FRMD4A: variants seen among roughly 807,000 people sequenced by gnomAD.
FRMD4A encodes FERM domain-containing protein 4A.
A neutral mutation model predicts 129.1 loss-of-function variants in FRMD4A; 29 were observed. The observed-to-expected ratio is 0.22, with a 90% CI of 0.17 to 0.31. The LOEUF is 0.31. Ranked by LOEUF, FRMD4A falls within the 10% of genes least tolerant of loss-of-function variation. The pLI is 1.00. For missense variants in FRMD4A, 1,272 were observed against 1,375.8 expected (o/e 0.92, Z 1.19); for synonymous variants, 634 against 571.6 (o/e 1.11, Z -1.56).
At chr10:14,247,225 C>A (rs995484736) in intron 2 of FRMD4A, among the ~76,000 whole-genome samples, 3 of 152,174 alleles carry the variant, frequency 2.0e-5, no homozygotes, top group African/African-American at 7.2e-5. Flanking sequence ...AGAGTCACCC[C>A]GCTTCCATCC....
chr10:14,244,184 A>G (rs1844152349), intron 2 of FRMD4A, among the ~76,000 whole-genome samples: 1 of 152,202 alleles, frequency 6.6e-6, no homozygotes, highest in East Asian at 1.9e-4. Context: ...AAAAGGCAGG[A>G]GGAGTTGTAA....
intron 4 of FRMD4A, among the ~76,000 whole-genome samples, chr10:13,801,356 A>C (rs1024311689): frequency 6.6e-6 from 1 of 152,218 alleles, no homozygotes; most frequent in African/African-American, 2.4e-5. Context: ...TTGGCCTCTG[A>C]GGACAAATGA....
At chr10:13,792,289 C>T (rs138805638) in intron 5 of FRMD4A, among the ~76,000 whole-genome samples, 32 of 152,210 alleles carry the variant, frequency 2.1e-4, no homozygotes, top group African/African-American at 7.5e-4. Context: ...CTGGGGTCGC[C>T]GCATTTGACT....
In FRMD4A at chr10:14,249,758, A is replaced by T. The variant is rs988105252; in HGVS notation, c.45+80300T>A. Among the ~76,000 whole-genome samples, 8 of 152,372 alleles carry T rather than the reference A, an allele frequency of 5.3e-5. No homozygotes were observed. In the South Asian group the frequency reaches 1.4e-3, roughly 28 times the overall value. On this transcript the variant is annotated intron_variant, in intron 2 of 24. Coordinates refer to ENST00000357447, the MANE Select transcript of FRMD4A (RefSeq NM_018027.5). ...AACGTTCCCGATAAGGGATGCATCAACTAAGGTGTAGGTACAGGATGGAAG... is the reference window on the plus strand; with the variant it reads ...AACGTTCCCGATAAGGGATGCATCATCTAAGGTGTAGGTACAGGATGGAAG...
intron 2 of FRMD4A, among the ~76,000 whole-genome samples, chr10:14,031,567 T>C (rs1360565544): frequency 6.6e-6 from 1 of 152,168 alleles, no homozygotes; most frequent in Non-Finnish European, 1.5e-5. Flanking sequence ...CTTACAGATG[T>C]TTTTTAATGG....
chr10:13,707,539 C>A, intron 12 of FRMD4A: 2 of 1,000,846 alleles, frequency 2.0e-6, no homozygotes, highest in South Asian at 4.4e-5. Context: ...CAGGAGGGAG[C>A]GGTAGCCATC....
At chr10:13,671,549 G>A (rs1221051395) in intron 16 of FRMD4A, among the ~76,000 whole-genome samples, 6 of 152,168 alleles carry the variant, frequency 3.9e-5, no homozygotes, top group African/African-American at 9.7e-5. Flanking sequence ...TTTGGGCCCC[G>A]GAAATCTACT....
chr10:14,222,050 C>T (rs1342003433), intron 2 of FRMD4A, among the ~76,000 whole-genome samples: 1 of 152,216 alleles, frequency 6.6e-6, no homozygotes, highest in Non-Finnish European at 1.5e-5. Flanking sequence ...CATTTGCCCA[C>T]TACCACGTAC....
chr10:13,804,305 A>G (rs942706825), intron 4 of FRMD4A, among the ~76,000 whole-genome samples: 4 of 152,214 alleles, frequency 2.6e-5, no homozygotes, highest in Admixed American at 1.3e-4. Flanking sequence ...TTCTTCTGCC[A>G]CTGGAAAATT....
At chr10:14,116,549 T>C (rs942463868) in intron 2 of FRMD4A, among the ~76,000 whole-genome samples, 1 of 152,158 alleles carries the variant, frequency 6.6e-6, no homozygotes, top group Non-Finnish European at 1.5e-5. Context: ...ACAGCTGAGA[T>C]GGCCATAGGG....
intron 2 of FRMD4A, among the ~76,000 whole-genome samples, chr10:14,128,040 CTTTCCCTCTTTCTTT>C (rs1839002231): frequency 5.7e-4 from 70 of 123,708 alleles, no homozygotes; most frequent in East Asian, 4.6e-3. Context: ...TCCTTCCTTT[CTTTCCCTCTTTCTTT>C]CTTTCTTTCT....
At chr10:13,662,860 C>T (rs1392161931) in intron 19 of FRMD4A, among the ~76,000 whole-genome samples, 1 of 152,078 alleles carries the variant, frequency 6.6e-6, no homozygotes, top group Non-Finnish European at 1.5e-5. Flanking sequence ...CTTTTAGATA[C>T]CATGAATACT....
At chr10:14,144,631 T>C (rs1839991327) in intron 2 of FRMD4A, among the ~76,000 whole-genome samples, 1 of 152,120 alleles carries the variant, frequency 6.6e-6, no homozygotes, top group Admixed American at 6.5e-5. Context: ...CTCAGCACAA[T>C]TTGTGTCACT....
chr10:14,062,487 T>C (rs936903653), intron 2 of FRMD4A, among the ~76,000 whole-genome samples: 2 of 152,158 alleles, frequency 1.3e-5, no homozygotes, highest in African/African-American at 4.8e-5. Flanking sequence ...CCATTGAACT[T>C]CAAGCATGTT....
rs140860631 is a variant in FRMD4A, at chr10:13,801,877, C to T, written c.207-5289G>A. On this transcript the variant is annotated intron_variant, in intron 4 of 24. Transcript: ENST00000357447. ...TCTTTTGCATTAGGATGGAATGGGA[C>T]GAAAAGTCATAAAGAAGCATTTCCT... 6.5e-3 allele frequency among the ~76,000 whole-genome samples: 981 copies of T among 152,056 alleles called. 8 individuals are homozygous for T. Among genetic ancestry groups the T allele is most frequent in the African/African-American group, 0.023 (939 of 41,462 alleles).
chr10:13,736,076 T>C (rs963322957), intron 12 of FRMD4A, among the ~76,000 whole-genome samples: 1 of 152,174 alleles, frequency 6.6e-6, no homozygotes, highest in East Asian at 1.9e-4. Context: ...CGCTTGAACC[T>C]GGGAAGCAAA....
intron 2 of FRMD4A, among the ~76,000 whole-genome samples, chr10:13,880,562 G>A (rs1374085411): frequency 6.6e-6 from 1 of 152,136 alleles, no homozygotes; most frequent in Non-Finnish European, 1.5e-5. Flanking sequence ...GCCCCCCAGG[G>A]TAGAGCCTTA....
intron 2 of FRMD4A, among the ~76,000 whole-genome samples, chr10:13,921,984 A>T (rs909779418): frequency 1.3e-5 from 2 of 152,118 alleles, no homozygotes; most frequent in Admixed American, 1.3e-4. Context: ...TTAGGTGTAG[A>T]TGAGTTCTAA....
rs539562953 is a variant in FRMD4A, at chr10:13,760,288, A to AT, written c.464+1358dup. Among the ~76,000 whole-genome samples, 785 of 152,154 alleles carry AT rather than the reference A, an allele frequency of 5.2e-3. 10 individuals are homozygous for AT. Among genetic ancestry groups the AT allele is most frequent in the African/African-American group, 0.017 (714 of 41,516 alleles). Reference sequence around the variant, plus strand: ...GATCCTTGTTTTAGACTGTAAAATAATTTTTTGCTTTTGCTGAGATGTCTG... The same window carrying AT: ...GATCCTTGTTTTAGACTGTAAAATAATTTTTTTGCTTTTGCTGAGATGTCTG... On this transcript the variant is annotated intron_variant, in intron 8 of 24. Transcript: ENST00000357447.
Sources: allele counts gnomAD v4.1 joint callset (sites outside exome capture counted in the v4.1 genomes callset), GRCh38; gene constraint gnomAD v4.1.1; transcripts MANE v1.5; gene names NCBI Gene and HGNC (gene_info 2026-07-23, HGNC 2026-07-21).